The following SPTLC1 variants were observed in gnomAD, a reference collection of about 807,000 sequenced individuals.
The protein encoded by SPTLC1 is serine palmitoyltransferase long chain base subunit 1, also known as serine palmitoyltransferase 1.
In SPTLC1, 55 loss-of-function variants were observed where a neutral mutation model predicts 68.9. That is an observed-to-expected ratio of 0.80 (90% CI 0.64 to 1.00). SPTLC1 has a LOEUF of 1.00. Among genes scored for constraint, SPTLC1 ranks in the 50% least tolerant of loss-of-function variants. The pLI, the probability that SPTLC1 is intolerant of heterozygous loss-of-function variation, is 0.00. For synonymous variants in SPTLC1, 197 were observed against 201.6 expected (o/e 0.98, Z 0.19); for missense variants, 449 against 573.1 (o/e 0.78, Z 2.21).
intron 5 of SPTLC1, among the ~76,000 whole-genome samples, chr9:92,074,186 G>T (rs897884769): frequency 6.6e-6 from 1 of 151,948 alleles, no homozygotes; most frequent in African/African-American, 2.4e-5. Context: ...CTTCTTAATC[G>T]ATACGGGGGC....
chr9:92,107,185 A>G (rs2118818938), intron 3 of SPTLC1, among the ~76,000 whole-genome samples: 1 of 152,350 alleles, frequency 6.6e-6, no homozygotes, highest in Admixed American at 6.5e-5. Context: ...AAACATTCTA[A>G]TCAACGTTTA....
chr9:92,076,047 C>A (rs1834673455), intron 5 of SPTLC1, among the ~76,000 whole-genome samples: 1 of 152,196 alleles, frequency 6.6e-6, no homozygotes, highest in African/African-American at 2.4e-5. Context: ...ACTGAAACTG[C>A]TGCACTCTCC....
In SPTLC1 at chr9:92,085,453, G is replaced by A. The variant is rs1156402264; in HGVS notation, c.261-4490C>T. Reference sequence around the variant, plus strand: ...CCTGGTATGTAGTGTCTTTGTTCTCGTTGGTTTCAAAGAACATCTTTATTT... The same window carrying A: ...CCTGGTATGTAGTGTCTTTGTTCTCATTGGTTTCAAAGAACATCTTTATTT... On this transcript the variant is annotated intron_variant, in intron 3 of 14. Transcript: ENST00000262554. Among the ~76,000 whole-genome samples the A allele has an allele frequency of 4.2e-4, 64 of 151,998 alleles. 1 individual carries two copies. Among genetic ancestry groups the A allele is most frequent in the South Asian group, 1.3e-3 (6 of 4,800 alleles).
At chr9:92,069,423 T>C (rs1834404789) in intron 5 of SPTLC1, among the ~76,000 whole-genome samples, 1 of 152,178 alleles carries the variant, frequency 6.6e-6, no homozygotes, top group African/African-American at 2.4e-5. Context: ...ACACCAACAT[T>C]AAATAAACGT....
At chr9:92,047,391 C>T in intron 10 of SPTLC1, 123 bp from the exon 11 acceptor site, 1 of 850,386 alleles carries the variant, frequency 1.2e-6, no homozygotes, top group East Asian at 2.6e-5. Context: ...GGGGTAAGAT[C>T]CAGCCATAAA....
intron 5 of SPTLC1, among the ~76,000 whole-genome samples, chr9:92,073,732 CA>C (rs1218191253): frequency 2.0e-5 from 3 of 152,248 alleles, no homozygotes; most frequent in Admixed American, 2.0e-4. Context: ...ACCCTGCCTT[CA>C]AGGTGTTCAA....
chr9:92,064,368 C>A (rs1235172667), intron 6 of SPTLC1, among the ~76,000 whole-genome samples: 2 of 152,106 alleles, frequency 1.3e-5, no homozygotes, highest in Non-Finnish European at 2.9e-5. Flanking sequence ...GGCAAATATG[C>A]ACATGAATGG....
rs998390641 is a variant in SPTLC1, at chr9:92,038,117, C to T, written c.1254+131G>A. The T allele has an allele frequency of 2.3e-5, 18 of 771,462 alleles. No individual in the cohort carries two copies. The Admixed American group carries it at 2.6e-4, about 11-fold the overall frequency. The allele number at this position is 771,462 out of a possible 1,614,324, so 47.8% of individuals were successfully genotyped here. ...AGGATTCCATGTCAAGAGCGGGTCACCAGCATCTTCCTTTCTACCCTCTTC... is the reference window on the plus strand; with the variant it reads ...AGGATTCCATGTCAAGAGCGGGTCATCAGCATCTTCCTTTCTACCCTCTTC... On this transcript the variant is annotated intron_variant, in intron 13 of 14. Coordinates refer to ENST00000262554, the MANE Select transcript of SPTLC1 (RefSeq NM_006415.4).
Position 92,115,359 on chromosome 9 carries a change from G to A in SPTLC1, c.12C>T (p.Ala4=). The A allele has an allele frequency of 6.2e-7, 1 of 1,613,068 alleles. No homozygotes were observed. The highest frequency in any genetic ancestry group is 8.5e-7 in the Non-Finnish European group (1 of 1,179,972). ...TCTCCACCAGAACCCACTGCTCCGT[G>A]GCGGTCGCCATAGTTAGCCGCTTCC... MAT[A]TEQWVLVEMV... is the part of the protein sequence containing the mutation. Residue 4 remains alanine (A), a synonymous_variant, in exon 1 of 15, where the codon GCC becomes GCT. Transcript: ENST00000262554.
chr9:92,036,593 A>G (rs1235682718), intron 13 of SPTLC1, among the ~76,000 whole-genome samples: 1 of 152,230 alleles, frequency 6.6e-6, no homozygotes. Flanking sequence ...ACACCAGCGC[A>G]TGCAGCTCAT....
intron 8 of SPTLC1, among the ~76,000 whole-genome samples, chr9:92,052,886 C>A (rs1249999819): frequency 6.6e-6 from 1 of 151,818 alleles, no homozygotes. Context: ...CAACAAAACA[C>A]ATAAACTGGA....
intron 2 of SPTLC1, chr9:92,110,363 G>A (rs1369611210): frequency 2.0e-5 from 3 of 151,946 alleles, no homozygotes; most frequent in Non-Finnish European, 2.9e-5. Context: ...TCTCCTATTC[G>A]ATTAGAAATC....
intron 3 of SPTLC1, chr9:92,104,452 A>G: frequency 7.2e-7 from 1 of 1,388,788 alleles, no homozygotes; most frequent in Non-Finnish European, 9.6e-7. Context: ...CCCTCGGAAC[A>G]CGGGCACCCC....
chr9:92,081,057 C>A, intron 3 of SPTLC1, 94 bp from the exon 4 acceptor site: 1 of 895,590 alleles, frequency 1.1e-6, no homozygotes, highest in South Asian at 1.4e-5. Context: ...ATAGTGTTGT[C>A]ATCCTACCCT....
chr9:92,080,086 T>C lies in SPTLC1; in HGVS notation c.357A>G (p.Ala119=). 1 of 1,612,428 alleles carries C rather than the reference T, an allele frequency of 6.2e-7. No individual in the cohort carries two copies. Among genetic ancestry groups the C allele is most frequent in the Non-Finnish European group, 8.5e-7 (1 of 1,178,472 alleles). ...ACTTCTTTAGAGATGCTAAAGCTGC[T>C]GCCTTTATTGAAGTACAAGAATTAT... ...LGLLDNPRVK[A]AALASLKKYG... Residue 119 remains alanine (A), a splice_region_variant and synonymous_variant, in exon 5 of 15, where the codon GCA becomes GCG. Coordinates refer to ENST00000262554, the MANE Select transcript of SPTLC1 (RefSeq NM_006415.4).
intron 6 of SPTLC1, among the ~76,000 whole-genome samples, chr9:92,062,148 A>G (rs140714341): frequency 3.2e-4 from 49 of 152,316 alleles, no homozygotes; most frequent in African/African-American, 1.2e-3. Flanking sequence ...TATACACACA[A>G]CTATGTAATA....
rs1273645061 is a variant in SPTLC1 at position 92,031,890 on chromosome 9, C to G, written c.*575G>C. 1 of 171,506 alleles carries G rather than the reference C, an allele frequency of 5.8e-6. No homozygotes were observed. The highest frequency in any genetic ancestry group is 1.2e-5 in the Non-Finnish European group (1 of 80,680). 10.6% of individuals were successfully genotyped at this position (171,506 alleles called of 1,614,324 possible). A position where few individuals can be genotyped will look rare whatever the true frequency, so the allele number is the denominator to read the frequency against. ...TAGTGTGTACAAAAGTTCTAAGATT[C>G]AAATACAATGCAAAGTTTATAATAA... On this transcript the variant is annotated 3_prime_UTR_variant, in exon 15 of 15. Coordinates refer to ENST00000262554, the MANE Select transcript of SPTLC1 (RefSeq NM_006415.4).
intron 1 of SPTLC1, among the ~76,000 whole-genome samples, chr9:92,112,898 G>A (rs765580606): frequency 3.3e-5 from 5 of 152,038 alleles, no homozygotes; most frequent in African/African-American, 9.7e-5. Flanking sequence ...ACCTGAGGGC[G>A]GGAGTTTGAG....
chr9:92,068,042 T>C lies in SPTLC1; in HGVS notation c.484A>G (p.Ile162Val), dbSNP rs1564097485. 1.9e-6 allele frequency: 3 copies of C among 1,614,100 alleles called. No homozygotes were observed. Among genetic ancestry groups the C allele is most frequent in the African/African-American group, 2.7e-5 (2 of 75,066 alleles). Residue 162 changes from isoleucine (I) to valine (V), a missense_variant, in exon 6 of 15, where the codon ATT becomes GTT. Around this residue, in one of 3 missense-constraint regions of SPTLC1, gnomAD observed 391 missense variants for 472.1 expected, o/e 0.83. Coordinates refer to ENST00000262554, the MANE Select transcript of SPTLC1 (RefSeq NM_006415.4). ...LAKFMKTEEAIIYSYGFATIA... is the reference protein window; with the variant it reads ...LAKFMKTEEAVIYSYGFATIA... ...GTGGCAAATCCATATGAGTATATAA[T>C]GGCTTCTTCTGTCTTCATAAATTTT...
Sources: gnomAD v4.1 joint callset for allele counts (sites outside exome capture counted in the v4.1 genomes callset) on GRCh38, gnomAD v4.1.1 for gene constraint, gnomAD v4.1.1 regional missense constraint, MANE v1.5 for transcripts, NCBI Gene and HGNC (gene_info 2026-07-23, HGNC 2026-07-21) for gene names.